PRKN: variants seen among roughly 807,000 people sequenced by gnomAD.
PRKN encodes the protein parkin RBR E3 ubiquitin protein ligase, also known as E3 ubiquitin-protein ligase parkin.
PRKN carries 56 observed loss-of-function variants against 59.5 expected under a neutral mutation model. The observed-to-expected ratio is 0.94, with a 90% CI of 0.76 to 1.18. The LOEUF is 1.18. PRKN is among the 50% of genes most tolerant of loss of function. PRKN has a pLI of 0.00. For synonymous variants in PRKN, 250 were observed against 222.1 expected, an observed-to-expected ratio of 1.13 and a Z score of -1.12; for missense variants, 657 against 596.4, an observed-to-expected ratio of 1.10 and a Z score of -1.06.
At chr6:162,523,882 T>C (rs11961456) in intron 1 of PRKN, among the ~76,000 whole-genome samples, 13,616 of 151,964 alleles carry the variant, frequency 0.09, 660 homozygotes, top group South Asian at 0.17. Flanking sequence ...AAACAAAAAA[T>C]TATGAGGATC....
At chr6:161,960,323 C>T (rs1172008122) in intron 6 of PRKN, among the ~76,000 whole-genome samples, 1 of 152,166 alleles carries the variant, frequency 6.6e-6, no homozygotes, top group African/African-American at 2.4e-5. Flanking sequence ...AACCACTGTG[C>T]TTCATGTGTA....
intron 10 of PRKN, among the ~76,000 whole-genome samples, chr6:161,375,633 G>C (rs1306139279): frequency 1.3e-5 from 2 of 152,150 alleles, no homozygotes; most frequent in Admixed American, 1.3e-4. Context: ...AAAAGGCTGT[G>C]AGCCTTTGAG....
chr6:161,369,595 A>T lies in PRKN; in HGVS notation c.1168-9390T>A, dbSNP rs986609404. Among the ~76,000 whole-genome samples the T allele has an allele frequency of 1.3e-5, 2 of 152,146 alleles. No individual in the cohort carries two copies. Among genetic ancestry groups the T allele is most frequent in the African/African-American group, 4.8e-5 (2 of 41,438 alleles). Reference sequence around the variant, plus strand: ...TCACGGGGCAGTGTAACTGTTAGGTAATTGCATAGAATTCTGTGCCTGTCT... The same window carrying T: ...TCACGGGGCAGTGTAACTGTTAGGTTATTGCATAGAATTCTGTGCCTGTCT... On this transcript the variant is annotated intron_variant, in intron 10 of 11. Coordinates refer to ENST00000366898, the MANE Select transcript of PRKN (RefSeq NM_004562.3). The surrounding 1 kb of genome is among the most constrained non-coding windows in gnomAD (Gnocchi z 5.8).
At chr6:161,789,897 T>C (rs2128207683) in intron 6 of PRKN, among the ~76,000 whole-genome samples, 1 of 152,302 alleles carries the variant, frequency 6.6e-6, no homozygotes, top group Non-Finnish European at 1.5e-5. Context: ...TTCTCTGCTC[T>C]CATTTACATG....
intron 7 of PRKN, among the ~76,000 whole-genome samples, chr6:161,725,200 CT>C (rs1376335265): frequency 1.3e-5 from 2 of 152,140 alleles, no homozygotes; most frequent in Non-Finnish European, 2.9e-5. Context: ...GCAGGACGGC[CT>C]AACACGGTGG....
At position 161,527,466 on chromosome 6, in the gene PRKN, C is replaced by T. The variant is rs59174181; in HGVS notation, c.1083+21388G>A. On this transcript the variant is annotated intron_variant, in intron 9 of 11. Transcript: ENST00000366898. The surrounding 1 kb of genome is among the most constrained non-coding windows in gnomAD (Gnocchi z 4.6). ...TTCCCTCCCTGAACCTTACAACCTG[C>T]TGGATGCTATGCCCACATGAGGGAG... Among the ~76,000 whole-genome samples the T allele has an allele frequency of 0.081, 12,318 of 152,234 alleles. 734 individuals are homozygous for T. Among genetic ancestry groups the T allele is most frequent in the African/African-American group, 0.16 (6,785 of 41,526 alleles).
intron 6 of PRKN, among the ~76,000 whole-genome samples, chr6:161,874,444 A>G (rs1489958141): frequency 1.4e-5 from 1 of 71,926 alleles, no homozygotes; most frequent in African/African-American, 5.9e-5. Flanking sequence ...TATTATATAT[A>G]AAATATATAT....
At chr6:161,903,802 CT>C (rs78528519) in intron 6 of PRKN, among the ~76,000 whole-genome samples, 50,765 of 142,930 alleles carry the variant, frequency 0.36, 8,808 homozygotes, top group East Asian at 0.46. Context: ...TTTTCTTTTT[CT>C]TTTTTTTTTT....
chr6:161,988,050 AG>A (rs1447888141), intron 5 of PRKN, among the ~76,000 whole-genome samples: 1 of 152,198 alleles, frequency 6.6e-6, no homozygotes, highest in Non-Finnish European at 1.5e-5. Context: ...CTATGGGCAC[AG>A]TTTGTGTGTG....
intron 1 of PRKN, among the ~76,000 whole-genome samples, chr6:162,530,088 C>T (rs1443635441): frequency 6.6e-6 from 1 of 151,364 alleles, no homozygotes. Flanking sequence ...CAAGATCACG[C>T]CATTGCACTC....
In PRKN at chr6:161,429,981, C is replaced by A. The variant is rs1389285442; in HGVS notation, c.1084-43104G>T. Among the ~76,000 whole-genome samples, 2 of 152,134 alleles carry A rather than the reference C, an allele frequency of 1.3e-5. No individual in the cohort carries two copies. The highest frequency in any genetic ancestry group is 2.9e-5 in the Non-Finnish European group (2 of 68,034). ...GACCATGCATTATTTACAGCAATAT[C>A]TTTTTTCCTGTGCTGGTTTCTCAAA... On this transcript the variant is annotated intron_variant, in intron 9 of 11. Coordinates refer to ENST00000366898, the MANE Select transcript of PRKN (RefSeq NM_004562.3). This position sits in a 1 kb window ranked among gnomAD's most constrained non-coding sequence, Gnocchi z 4.2.
rs1784799024 is a variant in PRKN, at chr6:161,357,329, G to A, written c.1285+2759C>T. Among the ~76,000 whole-genome samples, 1 of 152,080 alleles carries A rather than the reference G, an allele frequency of 6.6e-6. No individual in the cohort carries two copies. The highest frequency in any genetic ancestry group is 6.5e-5 in the Admixed American group (1 of 15,272). On this transcript the variant is annotated intron_variant, in intron 11 of 11. Coordinates refer to ENST00000366898, the MANE Select transcript of PRKN (RefSeq NM_004562.3). The surrounding 1 kb of genome is among the most constrained non-coding windows in gnomAD (Gnocchi z 5.5). ...GGCCTCCCAAAGTGCTGGGATTACC[G>A]GTGTGAGCCACCACTCCCAGCCTCG...
intron 7 of PRKN, among the ~76,000 whole-genome samples, chr6:161,757,962 A>AAT (rs140547354): frequency 0.32 from 43,511 of 133,910 alleles, 7,362 homozygotes; most frequent in South Asian, 0.51. Context: ...TATACAGTTA[A>AAT]ATATATATAT....
In PRKN at chr6:162,114,960, A is replaced by G. The variant is rs543376895; in HGVS notation, c.535-60786T>C. On this transcript the variant is annotated intron_variant, in intron 4 of 11. Transcript: ENST00000366898. ...GGCGATTCCTCAGGGATCTAGAACTAGAAATACCATTTGACCCAGGCATCC... is the reference window on the plus strand; with the variant it reads ...GGCGATTCCTCAGGGATCTAGAACTGGAAATACCATTTGACCCAGGCATCC... Among the ~76,000 whole-genome samples, 60 of 151,788 alleles carry G rather than the reference A, an allele frequency of 4.0e-4. No individual in the cohort carries two copies. In the East Asian group the frequency reaches 8.5e-3, roughly 22 times the overall value.
chr6:161,495,838 C>T (rs1777728381), intron 9 of PRKN, among the ~76,000 whole-genome samples: 1 of 152,224 alleles, frequency 6.6e-6, no homozygotes, highest in Admixed American at 6.5e-5. Flanking sequence ...CCCAACTCTT[C>T]CTTCAGGTCT....
chr6:162,510,897 T>C (rs538173426), intron 1 of PRKN, among the ~76,000 whole-genome samples: 1 of 152,034 alleles, frequency 6.6e-6, no homozygotes, highest in East Asian at 1.9e-4. Context: ...CACTCCACCC[T>C]GGGCAATAGA....
At chr6:162,255,410 T>C (rs1215193322) in intron 3 of PRKN, among the ~76,000 whole-genome samples, 1 of 152,196 alleles carries the variant, frequency 6.6e-6, no homozygotes, top group Non-Finnish European at 1.5e-5. Flanking sequence ...AGGTACTTTT[T>C]CCTTATCTCT....
chr6:162,272,340 T>C (rs929916075), intron 2 of PRKN, among the ~76,000 whole-genome samples: 1 of 152,164 alleles, frequency 6.6e-6, no homozygotes, highest in African/African-American at 2.4e-5. Flanking sequence ...TTGCAAGAAA[T>C]GCCTCAAGTA....
intron 6 of PRKN, among the ~76,000 whole-genome samples, chr6:161,926,194 T>C (rs1267223210): frequency 6.6e-6 from 1 of 152,224 alleles, no homozygotes; most frequent in Non-Finnish European, 1.5e-5. Context: ...TCTTGACCTG[T>C]AGAAAGGCAG....
Sources: gnomAD v4.1 joint callset for allele counts (sites outside exome capture counted in the v4.1 genomes callset) on GRCh38, gnomAD v4.1.1 for gene constraint, Gnocchi (gnomAD v3.1) non-coding constraint, MANE v1.5 for transcripts, NCBI Gene and HGNC (gene_info 2026-07-23, HGNC 2026-07-21) for gene names.